The following NOL9 variants were observed in gnomAD, a reference collection of about 807,000 sequenced individuals.
NOL9 encodes the protein polynucleotide 5'-hydroxyl-kinase NOL9.
In NOL9, 28 loss-of-function variants were observed where a neutral mutation model predicts 67.9. That is an observed-to-expected ratio of 0.41 (90% confidence interval 0.31 to 0.57). The LOEUF (loss-of-function observed/expected upper bound fraction) is 0.57. Among genes scored for constraint, NOL9 ranks in the 20% least tolerant of loss-of-function variants. The pLI, the probability that NOL9 is intolerant of heterozygous loss-of-function variation, is 0.25. For missense variants in NOL9, 777 were observed against 897.0 expected (o/e 0.87, Z 1.71); for synonymous variants, 356 against 352.2 (o/e 1.01, Z -0.12).
chr1:6,542,021 G>A (rs1457507150), intron 5 of NOL9, 94 bp from the exon 6 acceptor site: 13 of 705,812 alleles, frequency 1.8e-5, no homozygotes, highest in East Asian at 2.7e-5. Context: ...CATGTGACAC[G>A]CAGGCATAAT....
chr1:6,529,802 T>G (rs924130368), intron 9 of NOL9, among the ~76,000 whole-genome samples: 10 of 151,950 alleles, frequency 6.6e-5, no homozygotes, highest in Non-Finnish European at 1.3e-4. Flanking sequence ...GGTGCGTGCC[T>G]GTAGTCCCAG....
chr1:6,529,200 T>G, intron 9 of NOL9, 29 bp from the exon 10 acceptor site: 1 of 1,595,876 alleles, frequency 6.3e-7, no homozygotes. Flanking sequence ...TCTCACTCTA[T>G]TCATGGCTAC....
intron 1 of NOL9, among the ~76,000 whole-genome samples, chr1:6,552,961 G>A (rs564397070): frequency 2.0e-5 from 3 of 152,258 alleles, no homozygotes; most frequent in Admixed American, 1.3e-4. Flanking sequence ...ACAGGCGTGT[G>A]CTACCATGCC....
rs1409328519 is a variant in NOL9, at chr1:6,554,090, C to A, written c.396+17G>T. On this transcript the variant is annotated intron_variant, in intron 1 of 11. Coordinates refer to ENST00000377705, the MANE Select transcript of NOL9 (RefSeq NM_024654.5). The stretch of plus-strand genomic sequence containing the variant: ...CCTCCCTGCCCTCGGGGACTACTAC[C>A]GGCGCCCCCCACCTACCTGCTCGAC... 3 of 1,512,360 alleles carry A rather than the reference C, an allele frequency of 2.0e-6. No individual in the cohort carries two copies. The highest frequency in any genetic ancestry group is 2.8e-5 in the East Asian group (1 of 35,834). The allele number at this position is 1,512,360 out of a possible 1,614,324, so 93.7% of individuals were successfully genotyped here. A position where few individuals can be genotyped will look rare whatever the true frequency, so the allele number is the denominator to read the frequency against.
rs1388060406 is a variant in NOL9 at position 6,523,473 on chromosome 1, G to T, written c.*2381C>A. 2 of 151,476 alleles carry T rather than the reference G, an allele frequency of 1.3e-5. No homozygotes were observed. The highest frequency in any genetic ancestry group is 4.9e-5 in the African/African-American group (2 of 41,218). The allele number at this position is 151,476 out of a possible 1,614,324, so 9.4% of individuals were successfully genotyped here. ...GCATGCCTGTAATCCCAGCTACTCG[G>T]GAGGTTGAGGCAAGAGAATCACTTG... On this transcript the variant is annotated 3_prime_UTR_variant, in exon 12 of 12. Coordinates refer to ENST00000377705, the MANE Select transcript of NOL9 (RefSeq NM_024654.5).
intron 5 of NOL9, among the ~76,000 whole-genome samples, chr1:6,543,848 G>A (rs11122089): frequency 0.76 from 116,088 of 152,038 alleles, 46,467 homozygotes; most frequent in Non-Finnish European, 0.87. Context: ...GCCAGAGGCC[G>A]GGCATGGTGG....
intron 10 of NOL9, among the ~76,000 whole-genome samples, chr1:6,527,518 G>A (rs1000728168): frequency 1.3e-5 from 2 of 150,640 alleles, no homozygotes; most frequent in Admixed American, 1.3e-4. Context: ...ATGGTGGCGC[G>A]CACCTGTAAT....
chr1:6,537,951 G>A (rs1186247406), intron 6 of NOL9, among the ~76,000 whole-genome samples: 18 of 115,392 alleles, frequency 1.6e-4, no homozygotes, highest in African/African-American at 5.7e-4. Flanking sequence ...GTGAAACCCC[G>A]TCTGCACTCC....
chr1:6,541,010 C>CTTT lies in NOL9; in HGVS notation c.1075+819_1075+820insAAA, dbSNP rs1287698159. On this transcript the variant is annotated intron_variant, in intron 6 of 11. Coordinates refer to ENST00000377705, the MANE Select transcript of NOL9 (RefSeq NM_024654.5). ...ATAAAATCTGTAGACTGGTTAACAG[C>CTTT]GTTTTTTTTTTTTTTTTTTTTTTTG... 20 of 123,080 alleles carry CTTT rather than the reference C, an allele frequency of 1.6e-4. 6 individuals are homozygous for CTTT. Among genetic ancestry groups the CTTT allele is most frequent in the Non-Finnish European group, 1.8e-4 (11 of 60,456 alleles). The allele number at this position is 123,080 out of a possible 1,614,324, so 7.6% of individuals were successfully genotyped here. A position where few individuals can be genotyped will look rare whatever the true frequency, so the allele number is the denominator to read the frequency against.
Position 6,554,225 on chromosome 1 carries a change from G to T in NOL9, c.278C>A (p.Ser93Tyr). ...GAGTTCGGGTTCGGACTCGGGTTCGGAGGCCGGGGTCGGGCTAGGGATCGG... is the reference window on the plus strand; with the variant it reads ...GAGTTCGGGTTCGGACTCGGGTTCGTAGGCCGGGGTCGGGCTAGGGATCGG... ...PSPIPSPTPA[S>Y]EPESEPELES... Residue 93 changes from serine (S) to tyrosine (Y), a missense_variant, in exon 1 of 12, where the codon TCC becomes TAC. By Grantham distance (144) the Ser-to-Tyr change is moderately radical. Around this residue, in one of 2 missense-constraint regions of NOL9, gnomAD observed 364 missense variants for 344.4 expected, o/e 1.06. Transcript: ENST00000377705. The T allele has an allele frequency of 2.0e-6, 3 of 1,515,498 alleles. No homozygotes were observed. Among genetic ancestry groups the T allele is most frequent in the Non-Finnish European group, 2.7e-6 (3 of 1,131,082 alleles). 93.9% of individuals were successfully genotyped at this position (1,515,498 alleles called of 1,614,324 possible).
rs777469572 is a variant in NOL9 at position 6,550,617 on chromosome 1, T to C, written c.397-2A>G. On this transcript the variant is annotated splice_acceptor_variant, in intron 1 of 11. Transcript: ENST00000377705. LOFTEE classifies it high-confidence loss of function. The stretch of plus-strand genomic sequence containing the variant: ...ACAGATCCCACTAAAAGTAAAACCC[T>C]AGCAGGGAGAGAAAACAGAAAAAAC... 1.2e-6 allele frequency: 2 copies of C among 1,606,942 alleles called. No homozygotes were observed. The highest frequency in any genetic ancestry group is 1.1e-5 in the South Asian group (1 of 90,934).
intron 10 of NOL9, 22 bp from the exon 11 acceptor site, chr1:6,526,851 C>T: frequency 1.3e-6 from 2 of 1,553,030 alleles, no homozygotes; most frequent in South Asian, 1.2e-5. Flanking sequence ...GCGCACAACA[C>T]AAAAATCACC....
At chr1:6,543,730 C>T (rs1362066990) in intron 5 of NOL9, among the ~76,000 whole-genome samples, 1 of 152,160 alleles carries the variant, frequency 6.6e-6, no homozygotes, top group African/African-American at 2.4e-5. Flanking sequence ...AATCCCAGCA[C>T]TTTGTGAGGC....
At chr1:6,533,210 G>T in intron 7 of NOL9, 70 bp downstream of exon 7, 3 of 1,442,752 alleles carry the variant, frequency 2.1e-6, no homozygotes, top group Non-Finnish European at 2.8e-6. Context: ...GGGCTTTAAC[G>T]TGAATGTCTG....
chr1:6,545,973 C>CGG (rs1639414291), intron 3 of NOL9, among the ~76,000 whole-genome samples: 1 of 147,204 alleles, frequency 6.8e-6, no homozygotes, highest in African/African-American at 2.5e-5. Context: ...GGCTTCCTAT[C>CGG]GGCAATGCTG....
chr1:6,525,806 C>CA lies in NOL9; in HGVS notation c.*47dup. 6.2e-7 allele frequency: 1 copy of CA among 1,608,254 alleles called. No homozygotes were observed. The highest frequency in any genetic ancestry group is 2.2e-5 in the East Asian group (1 of 44,850). Reference sequence around the variant, plus strand: ...ATGTCTCTTGTGGTCAGGCTTGAGACAAAGCTTTCTGGTAGGAAAGTTTCT... The same window carrying CA: ...ATGTCTCTTGTGGTCAGGCTTGAGACAAAAGCTTTCTGGTAGGAAAGTTTCT... On this transcript the variant is annotated 3_prime_UTR_variant, in exon 12 of 12. Coordinates refer to ENST00000377705, the MANE Select transcript of NOL9 (RefSeq NM_024654.5).
At chr1:6,549,412 C>T (rs1044129670) in intron 3 of NOL9, 159 bp downstream of exon 3, 3 of 740,798 alleles carry the variant, frequency 4.0e-6, no homozygotes, top group African/African-American at 3.5e-5. Context: ...TCACGATACA[C>T]CTTTCTATAA....
rs1638855677 is a variant in NOL9, at chr1:6,525,201, T to C, written c.*653A>G. 6.6e-6 allele frequency: 1 copy of C among 152,116 alleles called. No homozygotes were observed. Among genetic ancestry groups the C allele is most frequent in the Non-Finnish European group, 1.5e-5 (1 of 68,150 alleles). The allele number at this position is 152,116 out of a possible 1,614,324, so 9.4% of individuals were successfully genotyped here. ...TACTCTGTCGCTCAGGCTGGAGTAG[T>C]TGGTGTACTCCAGCCTGGAACTCCG... On this transcript the variant is annotated 3_prime_UTR_variant, in exon 12 of 12. Coordinates refer to ENST00000377705, the MANE Select transcript of NOL9 (RefSeq NM_024654.5).
rs1368687443 is a variant in NOL9, at chr1:6,549,624, T to C, written c.691A>G (p.Thr231Ala). ...GGATAGCTGGTTATGAAGTTTACAGTGGCAGTTTTCAGATGTTCTAGCAAC... is the reference window on the plus strand; with the variant it reads ...GGATAGCTGGTTATGAAGTTTACAGCGGCAGTTTTCAGATGTTCTAGCAAC... ...IVLLEHLKTA[T>A]VNFITSYPGS... The change falls in exon 3 of 12, where the codon ACT becomes GCT. Residue 231 changes from threonine (T) to alanine (A), a missense_variant. This residue lies in a region of NOL9 where 364 missense variants were observed against 344.4 expected (regional missense o/e 1.06). Transcript: ENST00000377705. The C allele has an allele frequency of 4.2e-5, 67 of 1,614,130 alleles. No individual in the cohort carries two copies. Among genetic ancestry groups the C allele is most frequent in the Non-Finnish European group, 5.6e-5 (66 of 1,180,014 alleles).
Sources: allele counts gnomAD v4.1 joint callset (sites outside exome capture counted in the v4.1 genomes callset), GRCh38; gene constraint gnomAD v4.1.1; regional missense constraint gnomAD v4.1.1; transcripts MANE v1.5; gene names NCBI Gene and HGNC (gene_info 2026-07-23, HGNC 2026-07-21).